UNC79: variants seen among roughly 807,000 people sequenced by gnomAD.
UNC79 encodes unc-79 subunit of NALCN channel complex.
UNC79 carries 37 observed loss-of-function variants against 283.1 expected under a neutral mutation model. The observed-to-expected ratio is 0.13, with a 90% confidence interval of 0.10 to 0.17. UNC79 has a LOEUF of 0.17. Ranked by LOEUF, UNC79 falls within the 10% of genes least tolerant of loss-of-function variation. The pLI, the probability that UNC79 is intolerant of heterozygous loss-of-function variation, is 1.00. For missense variants in UNC79, 2,272 were observed against 3,211.1 expected (o/e 0.71, Z 7.07); for synonymous variants, 1,107 against 1,200.2 (o/e 0.92, Z 1.61).
intron 46 of UNC79, among the ~76,000 whole-genome samples, chr14:93,692,477 G>A (rs1422122066): frequency 6.6e-6 from 1 of 152,190 alleles, no homozygotes; most frequent in African/African-American, 2.4e-5. Context: ...AGAGGGTTAG[G>A]AGTGAGATTC....
intron 1 of UNC79, among the ~76,000 whole-genome samples, chr14:93,383,370 C>A (rs1416892247): frequency 1.3e-5 from 2 of 152,100 alleles, no homozygotes; most frequent in Admixed American, 6.6e-5. Flanking sequence ...AATCTACAGG[C>A]ATACCCTGAA....
intron 22 of UNC79, among the ~76,000 whole-genome samples, chr14:93,587,375 T>C (rs2141858715): frequency 6.6e-6 from 1 of 152,290 alleles, no homozygotes. Context: ...TTACCCTAGA[T>C]TTACAGCGTT....
chr14:93,448,610 G>T (rs2056538217), intron 1 of UNC79, among the ~76,000 whole-genome samples: 2 of 152,146 alleles, frequency 1.3e-5, no homozygotes, highest in Non-Finnish European at 2.9e-5. Flanking sequence ...TGAATGTTAA[G>T]TTTTGGAGAC....
intron 1 of UNC79, among the ~76,000 whole-genome samples, chr14:93,411,078 T>G (rs1392360441): frequency 1.3e-5 from 2 of 152,040 alleles, no homozygotes; most frequent in African/African-American, 4.8e-5. Flanking sequence ...GGGGAGCGCA[T>G]TGCCCCGAAG....
intron 38 of UNC79, among the ~76,000 whole-genome samples, chr14:93,658,275 G>A (rs2071170403): frequency 1.3e-5 from 2 of 152,168 alleles, no homozygotes; most frequent in Non-Finnish European, 2.9e-5. Context: ...ACGTCAGTGT[G>A]CATCACTGTC....
At chr14:93,681,180 G>T in intron 41 of UNC79, among the ~76,000 whole-genome samples, 1 of 152,214 alleles carries the variant, frequency 6.6e-6, no homozygotes, top group East Asian at 1.9e-4. Flanking sequence ...AAATGGAAAT[G>T]ACAGAATGTT....
At chr14:93,659,587 G>T (rs922236659) in intron 39 of UNC79, among the ~76,000 whole-genome samples, 1 of 151,974 alleles carries the variant, frequency 6.6e-6, no homozygotes, top group Non-Finnish European at 1.5e-5. Flanking sequence ...TCTCATTTCT[G>T]TCAGGATGAT....
Position 93,690,270 on chromosome 14 carries a change from T to C in UNC79, c.7239T>C (p.Ile2413=), listed in dbSNP as rs1186206919. Reference sequence around the variant, plus strand: ...GCTCCCACGTTGCAGACCATCTTATTGTTATCCTGATTGGATTTCCAGAGC... The same window carrying C: ...GCTCCCACGTTGCAGACCATCTTATCGTTATCCTGATTGGATTTCCAGAGC... Residue 2413 remains isoleucine, a synonymous_variant, in exon 45 of 49, where the codon ATT becomes ATC. Coordinates refer to ENST00000555664, the Ensembl canonical transcript of UNC79. The surrounding 1 kb of genome is among the most constrained non-coding windows in gnomAD (Gnocchi z 4.3). 6.2e-7 allele frequency: 1 copy of C among 1,613,964 alleles called. No homozygotes were observed. The highest frequency in any genetic ancestry group is 2.2e-5 in the East Asian group (1 of 44,890).
chr14:93,516,455 G>GT lies in UNC79; in HGVS notation c.899-7523_899-7522insT, dbSNP rs1277627833. On this transcript the variant is annotated intron_variant, in intron 7 of 48. Coordinates refer to ENST00000555664, the Ensembl canonical transcript of UNC79. Reference sequence around the variant, plus strand: ...ATCTGCTTGGATATTTTTTTTGGGGGGGGGGGTGGGGGATGGAGTCTTACT... The same window carrying GT: ...ATCTGCTTGGATATTTTTTTTGGGGGTGGGGGGTGGGGGATGGAGTCTTACT... Among the ~76,000 whole-genome samples, 11 of 121,140 alleles carry GT rather than the reference G, an allele frequency of 9.1e-5. 1 individual carries two copies. The highest frequency in any genetic ancestry group is 5.1e-4 in the East Asian group (2 of 3,908). 79.5% of individuals were successfully genotyped at this position (121,140 alleles called of 152,430 possible).
chr14:93,602,410 G>A (rs1035764869), intron 25 of UNC79, among the ~76,000 whole-genome samples: 1 of 152,186 alleles, frequency 6.6e-6, no homozygotes, highest in African/African-American at 2.4e-5. Context: ...TCAGTTGGCT[G>A]TAAGTATTTA....
chr14:93,569,870 G>T (rs1414919490), intron 14 of UNC79, among the ~76,000 whole-genome samples: 1 of 152,134 alleles, frequency 6.6e-6, no homozygotes, highest in Non-Finnish European at 1.5e-5. Context: ...TGGAGCTTTA[G>T]GTTATTCCTA....
chr14:93,670,191 G>A (rs889109314), intron 40 of UNC79, among the ~76,000 whole-genome samples: 2 of 152,104 alleles, frequency 1.3e-5, no homozygotes, highest in Non-Finnish European at 2.9e-5. Flanking sequence ...TCAAATGTGT[G>A]GAGATTTCTT....
chr14:93,523,209 C>G (rs1011754525), intron 7 of UNC79, among the ~76,000 whole-genome samples: 2 of 152,130 alleles, frequency 1.3e-5, no homozygotes, highest in African/African-American at 4.8e-5. Flanking sequence ...GATTCTCAGT[C>G]TGACTTATTA....
intron 14 of UNC79, among the ~76,000 whole-genome samples, chr14:93,561,415 T>C (rs1351496371): frequency 6.6e-6 from 1 of 152,046 alleles, no homozygotes; most frequent in Non-Finnish European, 1.5e-5. Context: ...AGTAAAGAAG[T>C]TCTTCAGGAG....
intron 1 of UNC79, among the ~76,000 whole-genome samples, chr14:93,334,021 C>A (rs955539358): frequency 1.3e-5 from 2 of 152,218 alleles, no homozygotes; most frequent in Admixed American, 6.5e-5. Context: ...TTTGCATTTT[C>A]AATCTCTACC....
intron 1 of UNC79, among the ~76,000 whole-genome samples, chr14:93,374,154 G>A (rs1003680560): frequency 4.6e-5 from 7 of 152,148 alleles, no homozygotes; most frequent in African/African-American, 1.7e-4. Context: ...GTTCCCACCA[G>A]GGTAATGCCT....
At chr14:93,497,384 AT>A in intron 7 of UNC79, 98 bp downstream of exon 7, 1 of 1,402,536 alleles carries the variant, frequency 7.1e-7, no homozygotes, top group Non-Finnish European at 9.4e-7. Context: ...GCTGGATTAT[AT>A]TTTCTATGCC....
chr14:93,588,127 T>C (rs1396292353), intron 22 of UNC79, among the ~76,000 whole-genome samples: 1 of 152,054 alleles, frequency 6.6e-6, no homozygotes, highest in Non-Finnish European at 1.5e-5. Context: ...AAGGGAGTAA[T>C]GGAAAATGAG....
intron 1 of UNC79, among the ~76,000 whole-genome samples, chr14:93,378,673 C>A (rs2054608430): frequency 6.6e-6 from 1 of 152,088 alleles, no homozygotes; most frequent in African/African-American, 2.4e-5. Flanking sequence ...TTAATTGCAG[C>A]CCATCACATG....
Sources: allele counts gnomAD v4.1 joint callset (sites outside exome capture counted in the v4.1 genomes callset), GRCh38; gene constraint gnomAD v4.1.1; non-coding constraint Gnocchi (gnomAD v3.1); transcripts MANE v1.5; gene names NCBI Gene and HGNC (gene_info 2026-07-23, HGNC 2026-07-21).